Variants in LPP observed in about 807,000 individuals in gnomAD.
The protein encoded by LPP is lipoma-preferred partner.
In LPP, 38 loss-of-function variants were observed where a neutral mutation model predicts 60.4. The observed-to-expected ratio is 0.63, with a 90% CI of 0.49 to 0.83. The LOEUF is 0.83. Among genes scored for constraint, LPP ranks in the 40% least tolerant of loss-of-function variants. LPP has a pLI of 0.00. For missense variants in LPP, 902 were observed against 783.6 expected (o/e 1.15, Z -1.80); for synonymous variants, 328 against 290.8 (o/e 1.13, Z -1.30).
intron 9 of LPP, among the ~76,000 whole-genome samples, chr3:188,790,835 G>A (rs1386467462): frequency 7.2e-6 from 1 of 138,820 alleles, no homozygotes; most frequent in Admixed American, 7.4e-5. Context: ...AAAAAAAAAT[G>A]TTAGCATATA....
intron 4 of LPP, among the ~76,000 whole-genome samples, chr3:188,462,658 T>C (rs1489519942): frequency 6.9e-6 from 1 of 145,976 alleles, no homozygotes; most frequent in Admixed American, 6.9e-5. Context: ...TGTTTATTTT[T>C]AATTTTGTTC....
chr3:188,514,343 T>C (rs917328457), intron 5 of LPP, among the ~76,000 whole-genome samples: 4 of 152,202 alleles, frequency 2.6e-5, no homozygotes, highest in Non-Finnish European at 4.4e-5. Flanking sequence ...CTACCTCCTG[T>C]TGTATGTTTG....
rs368285925 is a variant in LPP at position 188,227,889 on chromosome 3, A to G, written c.-67+2362A>G. ...TGGGATTATGGTAATATGAACCACT[A>G]TTCTCCTGAAACTGAATTTGGACAT... On this transcript the variant is annotated intron_variant, in intron 2 of 11. Transcript: ENST00000617246. Among the ~76,000 whole-genome samples the G allele has an allele frequency of 5.9e-5, 9 of 152,332 alleles. No homozygotes were observed. The East Asian group carries it at 1.5e-3, about 26-fold the overall frequency.
chr3:188,771,154 ATATAT>A (rs1346885366), intron 9 of LPP, among the ~76,000 whole-genome samples: 3 of 152,180 alleles, frequency 2.0e-5, no homozygotes, highest in South Asian at 4.1e-4. Flanking sequence ...AATTCACATT[ATATAT>A]TATAACATTG....
chr3:188,274,574 T>A (rs1739001667), intron 2 of LPP, among the ~76,000 whole-genome samples: 1 of 152,226 alleles, frequency 6.6e-6, no homozygotes, highest in Admixed American at 6.5e-5. Context: ...CTGTCAAGTG[T>A]GATGAATTGG....
intron 9 of LPP, among the ~76,000 whole-genome samples, chr3:188,853,164 G>C (rs939639331): frequency 1.3e-5 from 2 of 152,034 alleles, no homozygotes; most frequent in East Asian, 3.9e-4. Context: ...AAAAAAAAAG[G>C]TTAGCATTAG....
intron 8 of LPP, among the ~76,000 whole-genome samples, chr3:188,738,864 TC>T (rs1370748649): frequency 6.6e-6 from 1 of 152,144 alleles, no homozygotes; most frequent in Non-Finnish European, 1.5e-5. Flanking sequence ...GGTGTAAATA[TC>T]GGACTCCTTG....
intron 2 of LPP, among the ~76,000 whole-genome samples, chr3:188,290,377 A>G (rs1046909121): frequency 2.0e-5 from 3 of 152,160 alleles, no homozygotes; most frequent in Admixed American, 6.5e-5. Flanking sequence ...TTGGACAAAC[A>G]ACTTCACTTC....
chr3:188,770,219 C>T (rs943819331), intron 9 of LPP, among the ~76,000 whole-genome samples: 1 of 140,798 alleles, frequency 7.1e-6, no homozygotes, highest in African/African-American at 2.6e-5. Context: ...TGCTCTGTCA[C>T]CCAGGCTGGA....
intron 2 of LPP, among the ~76,000 whole-genome samples, chr3:188,252,073 TATACAC>T (rs1207325127): frequency 3.2e-4 from 26 of 80,408 alleles, no homozygotes; most frequent in African/African-American, 8.0e-4. Context: ...TATATATATA[TATACAC>T]ACACACACAC....
chr3:188,565,054 T>C (rs1429513401), intron 6 of LPP, among the ~76,000 whole-genome samples: 2 of 151,920 alleles, frequency 1.3e-5, no homozygotes, highest in Non-Finnish European at 2.9e-5. Context: ...AACAGGACCA[T>C]TATTTTAGCT....
At chr3:188,270,236 TC>T (rs777030381) in intron 2 of LPP, among the ~76,000 whole-genome samples, 2 of 151,976 alleles carry the variant, frequency 1.3e-5, no homozygotes, top group Admixed American at 6.5e-5. Context: ...GGCCTAAGTT[TC>T]TTTTTCTTTC....
At chr3:188,616,999 A>G (rs1475705910) in intron 7 of LPP, among the ~76,000 whole-genome samples, 2 of 152,134 alleles carry the variant, frequency 1.3e-5, no homozygotes, top group Admixed American at 6.5e-5. Flanking sequence ...AGGCAATTCT[A>G]CCTGATCATT....
In LPP at chr3:188,886,126, G is replaced by A. The variant is rs925205771; in HGVS notation, c.*11647G>A. ...TGAGAACACATGGACACAGGAAGGGGAACATCACACTCTGGGGACTGTTGT... is the reference window on the plus strand; with the variant it reads ...TGAGAACACATGGACACAGGAAGGGAAACATCACACTCTGGGGACTGTTGT... On this transcript the variant is annotated 3_prime_UTR_variant, in exon 12 of 12. Transcript: ENST00000617246. The A allele has an allele frequency of 2.1e-5, 3 of 145,590 alleles. No homozygotes were observed. Among genetic ancestry groups the A allele is most frequent in the Non-Finnish European group, 1.5e-5 (1 of 66,482 alleles). 9.0% of individuals were successfully genotyped at this position (145,590 alleles called of 1,614,324 possible).
intron 8 of LPP, among the ~76,000 whole-genome samples, chr3:188,753,838 G>C (rs2150361867): frequency 1.3e-5 from 2 of 151,990 alleles, no homozygotes; most frequent in African/African-American, 2.4e-5. Flanking sequence ...ACAGACATTG[G>C]AGCCACCTTT....
At chr3:188,549,931 A>G (rs1827641550) in intron 6 of LPP, among the ~76,000 whole-genome samples, 1 of 152,166 alleles carries the variant, frequency 6.6e-6, no homozygotes, top group South Asian at 2.1e-4. Flanking sequence ...TCTTGGTTCT[A>G]AAGTCAGTGT....
intron 9 of LPP, among the ~76,000 whole-genome samples, chr3:188,819,199 G>A (rs979525936): frequency 7.6e-4 from 116 of 151,866 alleles, no homozygotes; most frequent in African/African-American, 2.7e-3. Flanking sequence ...ATGCAGGTTC[G>A]TTACAAGATT....
intron 9 of LPP, among the ~76,000 whole-genome samples, chr3:188,762,953 T>C (rs73058741): frequency 0.022 from 3,312 of 152,282 alleles, 116 homozygotes; most frequent in African/African-American, 0.075. Flanking sequence ...GATGGATGTA[T>C]CAGAACTTTA....
chr3:188,567,962 C>A (rs752684318), intron 6 of LPP, among the ~76,000 whole-genome samples: 1 of 151,908 alleles, frequency 6.6e-6, no homozygotes, highest in Non-Finnish European at 1.5e-5. Flanking sequence ...AAGTTAGATA[C>A]CACTAATGAT....
Sources: gnomAD v4.1 joint callset for allele counts (sites outside exome capture counted in the v4.1 genomes callset) on GRCh38, gnomAD v4.1.1 for gene constraint, MANE v1.5 for transcripts, NCBI Gene and HGNC (gene_info 2026-07-23, HGNC 2026-07-21) for gene names.